SEMA3E: variants seen among roughly 807,000 people sequenced by gnomAD.
The protein encoded by SEMA3E is semaphorin-3E.
In SEMA3E, 49 loss-of-function variants were observed where a neutral mutation model predicts 93.6. The observed-to-expected ratio is 0.52, with a 90% CI of 0.42 to 0.66. The LOEUF (loss-of-function observed/expected upper bound fraction) is 0.66. SEMA3E is among the 30% of genes least tolerant of loss of function. The probability of loss-of-function intolerance (pLI) is 0.00; values close to 1 mark genes in which losing one functional copy is unlikely to be tolerated. For missense variants in SEMA3E, 906 were observed against 964.8 expected (o/e 0.94, Z 0.81); for synonymous variants, 363 against 330.7 (o/e 1.10, Z -1.06).
intron 1 of SEMA3E, among the ~76,000 whole-genome samples, chr7:83,492,722 A>G (rs1228190003): frequency 7.3e-6 from 1 of 136,234 alleles, no homozygotes; most frequent in African/African-American, 2.5e-5. Flanking sequence ...ATTTATATAT[A>G]TATGTACACA....
intron 1 of SEMA3E, among the ~76,000 whole-genome samples, chr7:83,591,975 A>T (rs1359843275): frequency 6.6e-6 from 1 of 152,082 alleles, no homozygotes; most frequent in Non-Finnish European, 1.5e-5. Flanking sequence ...TAGTCATGCA[A>T]AAAATACAAC....
At chr7:83,470,185 A>G (rs75200407) in intron 2 of SEMA3E, among the ~76,000 whole-genome samples, 6,037 of 152,246 alleles carry the variant, frequency 0.04, 382 homozygotes, top group African/African-American at 0.14. Flanking sequence ...TTGTTGGTTT[A>G]TTCTCTGATA....
intron 14 of SEMA3E, among the ~76,000 whole-genome samples, chr7:83,392,328 C>A (rs898851757): frequency 6.6e-6 from 1 of 151,826 alleles, no homozygotes; most frequent in Non-Finnish European, 1.5e-5. Context: ...CACATTTTAA[C>A]TTTATCTGAA....
intron 1 of SEMA3E, among the ~76,000 whole-genome samples, chr7:83,609,470 T>C (rs1272187201): frequency 6.6e-6 from 1 of 152,010 alleles, no homozygotes; most frequent in Non-Finnish European, 1.5e-5. Context: ...GCTTAACTTA[T>C]TTTAATATTG....
At chr7:83,458,484 G>A (rs1486687498) in intron 4 of SEMA3E, among the ~76,000 whole-genome samples, 1 of 152,092 alleles carries the variant, frequency 6.6e-6, no homozygotes, top group Non-Finnish European at 1.5e-5. Context: ...AGAAAAATGA[G>A]TGGTGAAATC....
chr7:83,573,099 C>A (rs1016263833), intron 1 of SEMA3E, among the ~76,000 whole-genome samples: 6 of 151,888 alleles, frequency 4.0e-5, no homozygotes, highest in Non-Finnish European at 8.8e-5. Context: ...AAACATACAG[C>A]CTACAGCCTA....
At chr7:83,505,247 T>A (rs1447846406) in intron 1 of SEMA3E, among the ~76,000 whole-genome samples, 1 of 152,198 alleles carries the variant, frequency 6.6e-6, no homozygotes, top group East Asian at 1.9e-4. Context: ...TCCAAAATTC[T>A]ATCTCATTGC....
At chr7:83,513,153 C>T (rs566378970) in intron 1 of SEMA3E, among the ~76,000 whole-genome samples, 1 of 152,314 alleles carries the variant, frequency 6.6e-6, no homozygotes, top group African/African-American at 2.4e-5. Context: ...CATGCTCACT[C>T]ATTTCCAATT....
chr7:83,490,535 C>G (rs1045832295), intron 1 of SEMA3E, among the ~76,000 whole-genome samples: 6 of 152,030 alleles, frequency 3.9e-5, no homozygotes, highest in African/African-American at 1.4e-4. Context: ...CCTTCACAAT[C>G]TTTAACATAA....
chr7:83,423,502 GA>G (rs1428390829), intron 4 of SEMA3E, among the ~76,000 whole-genome samples: 1 of 122,670 alleles, frequency 8.2e-6, no homozygotes, highest in Non-Finnish European at 1.7e-5. Context: ...TCACTATGAA[GA>G]ATTTTTTTTT....
intron 4 of SEMA3E, among the ~76,000 whole-genome samples, chr7:83,423,804 C>T (rs972087265): frequency 1.9e-4 from 29 of 152,066 alleles, no homozygotes; most frequent in Non-Finnish European, 1.9e-4. Flanking sequence ...AGCCACTGCA[C>T]CCAGCCTCGA....
At chr7:83,606,248 G>T (rs1366138432) in intron 1 of SEMA3E, among the ~76,000 whole-genome samples, 1 of 152,114 alleles carries the variant, frequency 6.6e-6, no homozygotes, top group Non-Finnish European at 1.5e-5. Flanking sequence ...TTTCTGTCAT[G>T]GTGACCTAGA....
chr7:83,581,085 G>A (rs894214101), intron 1 of SEMA3E, among the ~76,000 whole-genome samples: 1 of 151,912 alleles, frequency 6.6e-6, no homozygotes, highest in Admixed American at 6.6e-5. Context: ...GCTGTCAAAA[G>A]TAACATCAGA....
At chr7:83,591,951 C>A (rs1028289024) in intron 1 of SEMA3E, among the ~76,000 whole-genome samples, 1 of 151,910 alleles carries the variant, frequency 6.6e-6, no homozygotes, top group Admixed American at 6.6e-5. Context: ...AACATGAAAC[C>A]TAGCTTGCAT....
intron 1 of SEMA3E, among the ~76,000 whole-genome samples, chr7:83,521,319 A>G (rs927832201): frequency 2.0e-5 from 3 of 152,148 alleles, no homozygotes; most frequent in Non-Finnish European, 4.4e-5. Flanking sequence ...ACAGCAAATC[A>G]GGGCAGAAGT....
intron 1 of SEMA3E, among the ~76,000 whole-genome samples, chr7:83,641,021 G>T (rs570982711): frequency 6.6e-6 from 1 of 152,282 alleles, no homozygotes; most frequent in African/African-American, 2.4e-5. Context: ...GTAGATGAAA[G>T]AATTCAACTG....
At chr7:83,586,607 G>T (rs1009130984) in intron 1 of SEMA3E, among the ~76,000 whole-genome samples, 3 of 151,658 alleles carry the variant, frequency 2.0e-5, no homozygotes, top group Admixed American at 1.3e-4. Flanking sequence ...CAGCCAAAGG[G>T]ATTTGGCACG....
chr7:83,413,423 A>G (rs988952789), intron 5 of SEMA3E, among the ~76,000 whole-genome samples: 7 of 152,200 alleles, frequency 4.6e-5, no homozygotes, highest in Non-Finnish European at 7.4e-5. Context: ...CTAAAGACTG[A>G]TTTAGCTGCC....
At chr7:83,370,350 T>G (rs1794733469) in intron 16 of SEMA3E, among the ~76,000 whole-genome samples, 1 of 152,184 alleles carries the variant, frequency 6.6e-6, no homozygotes, top group Admixed American at 6.6e-5. Flanking sequence ...ACATCATTAT[T>G]CTTCTAGTCT....
Sources: gnomAD v4.1 joint callset for allele counts (sites outside exome capture counted in the v4.1 genomes callset) on GRCh38, gnomAD v4.1.1 for gene constraint, MANE v1.5 for transcripts, NCBI Gene and HGNC (gene_info 2026-07-23, HGNC 2026-07-21) for gene names.